SPPL3: variants seen among roughly 807,000 people sequenced by gnomAD.
The protein encoded by SPPL3 is signal peptide peptidase-like 3.
In SPPL3, 5 loss-of-function variants were observed where a neutral mutation model predicts 42.4. The ratio of observed to expected loss-of-function variants is 0.12; its 90% CI spans 0.06 to 0.25. SPPL3 has a LOEUF of 0.25. Ranked by LOEUF, SPPL3 falls within the 10% of genes least tolerant of loss-of-function variation. The pLI, the probability that SPPL3 is intolerant of heterozygous loss-of-function variation, is 1.00. For synonymous variants in SPPL3, 195 were observed against 181.8 expected, an observed-to-expected ratio of 1.07 and a Z score of -0.58; for missense variants, 235 against 489.0, an observed-to-expected ratio of 0.48 and a Z score of 4.90.
At chr12:120,822,917 T>C (rs1871115139) in intron 1 of SPPL3, among the ~76,000 whole-genome samples, 1 of 151,996 alleles carries the variant, frequency 6.6e-6, no homozygotes, top group African/African-American at 2.4e-5. Context: ...AGGACTCTGC[T>C]AGGTACTAGC....
chr12:120,903,760 TTCC>T, intron 1 of SPPL3, 82 bp downstream of exon 1: 1 of 611,580 alleles, frequency 1.6e-6, no homozygotes, highest in Non-Finnish European at 2.5e-6. Flanking sequence ...GCACCTGTTC[TTCC>T]TCCTCTTCCC....
At chr12:120,801,601 C>T (rs1182389774) in intron 2 of SPPL3, among the ~76,000 whole-genome samples, 1 of 152,158 alleles carries the variant, frequency 6.6e-6, no homozygotes, top group Non-Finnish European at 1.5e-5. Flanking sequence ...GCTTGACGCG[C>T]TACATCTTTC....
chr12:120,811,327 C>A (rs1252010805), intron 1 of SPPL3: 1 of 153,368 alleles, frequency 6.5e-6, no homozygotes, highest in East Asian at 1.9e-4. Flanking sequence ...TTCCCCGTTT[C>A]CATTTTTCTA....
At chr12:120,791,352 TG>T (rs1160750297) in intron 3 of SPPL3, 116 bp downstream of exon 3, 34 of 638,384 alleles carry the variant, frequency 5.3e-5, no homozygotes, top group African/African-American at 9.4e-5. Flanking sequence ...TATAATTCAA[TG>T]TTTTTTTATA....
At chr12:120,800,175 T>C (rs1281918934) in intron 2 of SPPL3, among the ~76,000 whole-genome samples, 1 of 152,174 alleles carries the variant, frequency 6.6e-6, no homozygotes, top group Admixed American at 6.5e-5. Context: ...TCCATCCAAA[T>C]TGTATCCTGG....
chr12:120,899,545 G>A (rs746610431), intron 1 of SPPL3, among the ~76,000 whole-genome samples: 24 of 152,072 alleles, frequency 1.6e-4, no homozygotes, highest in Admixed American at 5.3e-4. Context: ...GTTAGATTAG[G>A]CATTTACATG....
At chr12:120,881,667 T>C (rs1242201802) in intron 1 of SPPL3, among the ~76,000 whole-genome samples, 1 of 151,136 alleles carries the variant, frequency 6.6e-6, no homozygotes, top group African/African-American at 2.4e-5. Context: ...CATCAACAAA[T>C]GAACAGATAC....
chr12:120,896,673 G>A (rs761595125), intron 1 of SPPL3, among the ~76,000 whole-genome samples: 3 of 152,070 alleles, frequency 2.0e-5, no homozygotes, highest in Non-Finnish European at 4.4e-5. Context: ...CAGATACTTG[G>A]GAGGCTGAGG....
In SPPL3 at chr12:120,844,610, C is replaced by T. The variant is rs1871955164; in HGVS notation, c.24-33724G>A. On this transcript the variant is annotated intron_variant, in intron 1 of 10. Transcript: ENST00000353487. ...GTCAGTTTCACTGGTCTTCTTTCTG[C>T]TTTTTAATACCCAACTCATTCCCAC... is the stretch of plus-strand genomic sequence containing the variant. Among the ~76,000 whole-genome samples the T allele has an allele frequency of 3.9e-5, 6 of 152,256 alleles. No homozygotes were observed. The South Asian group carries it at 1.2e-3, about 32-fold the overall frequency.
intron 1 of SPPL3, among the ~76,000 whole-genome samples, chr12:120,850,048 T>C (rs1872171736): frequency 2.0e-5 from 3 of 152,136 alleles, no homozygotes. Flanking sequence ...CCTGAGAGGC[T>C]CTGAAATACT....
At chr12:120,879,434 T>G (rs1263829495) in intron 1 of SPPL3, among the ~76,000 whole-genome samples, 1 of 152,208 alleles carries the variant, frequency 6.6e-6, no homozygotes. Context: ...GAGTGGTACT[T>G]CCCAAAATAA....
In SPPL3 at chr12:120,884,190, C is replaced by T. The variant is rs577131153; in HGVS notation, c.23+19655G>A. Among the ~76,000 whole-genome samples, 17 of 151,426 alleles carry T rather than the reference C, an allele frequency of 1.1e-4. No homozygotes were observed. The South Asian group carries it at 2.7e-3, about 24-fold the overall frequency. ...ACAAAATTCACGACAGTGGTTACAC[C>T]TAAACGGGGACAGGGGACAGAGGCA... On this transcript the variant is annotated intron_variant, in intron 1 of 10. Transcript: ENST00000353487.
At chr12:120,877,813 C>CATA (rs1030400925) in intron 1 of SPPL3, among the ~76,000 whole-genome samples, 1 of 140,618 alleles carries the variant, frequency 7.1e-6, no homozygotes, top group African/African-American at 2.6e-5. Context: ...AAAGAAAAAG[C>CATA]ATAACACGTT....
intron 6 of SPPL3, chr12:120,769,580 T>TTA (rs1869038701): frequency 6.5e-6 from 1 of 154,182 alleles, no homozygotes; most frequent in South Asian, 2.0e-4. Context: ...AGATGGAGTC[T>TTA]CGCTGTATCA....
intron 1 of SPPL3, among the ~76,000 whole-genome samples, chr12:120,854,429 G>A (rs1872380618): frequency 6.6e-6 from 1 of 152,166 alleles, no homozygotes; most frequent in Admixed American, 6.5e-5. Flanking sequence ...ATACAATGGA[G>A]AAGTAAGCAA....
chr12:120,799,307 A>G (rs764021958), intron 2 of SPPL3, among the ~76,000 whole-genome samples: 24 of 152,336 alleles, frequency 1.6e-4, no homozygotes, highest in Non-Finnish European at 2.9e-4. Flanking sequence ...TGAATACTGT[A>G]CTGAGAGTGA....
intron 1 of SPPL3, among the ~76,000 whole-genome samples, chr12:120,889,076 A>T (rs777657067): frequency 1.4e-4 from 22 of 152,118 alleles, no homozygotes; most frequent in Non-Finnish European, 2.6e-4. Flanking sequence ...AGCCTCCGGA[A>T]ATGCTGAGAT....
chr12:120,882,959 AT>A (rs1433007593), intron 1 of SPPL3, among the ~76,000 whole-genome samples: 2 of 151,982 alleles, frequency 1.3e-5, no homozygotes, highest in Non-Finnish European at 2.9e-5. Flanking sequence ...TTATCAACAT[AT>A]AGTTCTGGGA....
At chr12:120,826,325 G>T (rs1456115748) in intron 1 of SPPL3, among the ~76,000 whole-genome samples, 1 of 149,908 alleles carries the variant, frequency 6.7e-6, no homozygotes, top group Non-Finnish European at 1.5e-5. Flanking sequence ...AGCAGGGCAA[G>T]AGTCAAAATT....
Sources: allele counts gnomAD v4.1 joint callset (sites outside exome capture counted in the v4.1 genomes callset), GRCh38; gene constraint gnomAD v4.1.1; transcripts MANE v1.5; gene names NCBI Gene and HGNC (gene_info 2026-07-23, HGNC 2026-07-21).